Variants in MYOCOS observed in about 807,000 individuals in gnomAD.
MYOCOS encodes myocilin opposite strand protein.
In MYOCOS at chr1:171,611,718, C is replaced by A. The variant is rs1420423767; in HGVS notation, c.-251-3080C>A. Reference sequence around the variant, plus strand: ...ATGTTAGTCAGTATATGGGTTGCAGCAGTATTCCTAAGTATGGAATATGCT... The same window carrying A: ...ATGTTAGTCAGTATATGGGTTGCAGAAGTATTCCTAAGTATGGAATATGCT... On this transcript the variant is annotated intron_variant, in intron 1 of 3. Coordinates refer to the MYOCOS transcript ENST00000636697. Among the ~76,000 whole-genome samples, 4 of 152,162 alleles carry A rather than the reference C, an allele frequency of 2.6e-5. No homozygotes were observed. The East Asian group carries it at 7.7e-4, about 29-fold the overall frequency.
At chr1:171,610,717 C>T (rs1220888149) in intron 1 of MYOCOS, among the ~76,000 whole-genome samples, 1 of 152,226 alleles carries the variant, frequency 6.6e-6, no homozygotes, top group East Asian at 1.9e-4. Flanking sequence ...TTAGGGATTA[C>T]ATTTCCAATG....
intron 1 of MYOCOS, among the ~76,000 whole-genome samples, chr1:171,606,355 G>A (rs1572201534): frequency 6.6e-6 from 1 of 152,300 alleles, no homozygotes; most frequent in East Asian, 1.9e-4. Context: ...GAGGAAATGA[G>A]GGAAGAGAGA....
At chr1:171,602,308 TAAAA>T (rs1226581280) in intron 1 of MYOCOS, among the ~76,000 whole-genome samples, 10 of 152,098 alleles carry the variant, frequency 6.6e-5, no homozygotes, top group Non-Finnish European at 1.3e-4. Flanking sequence ...GAGTACTGTT[TAAAA>T]AAACAGTTTA....
intron 1 of MYOCOS, among the ~76,000 whole-genome samples, chr1:171,610,642 C>A (rs138038402): frequency 2.2e-3 from 339 of 152,318 alleles, no homozygotes; most frequent in African/African-American, 7.9e-3. Flanking sequence ...ATTTCTGCAA[C>A]AATGACATTG....
At chr1:171,610,988 A>G (rs1652342284) in intron 1 of MYOCOS, among the ~76,000 whole-genome samples, 1 of 152,184 alleles carries the variant, frequency 6.6e-6, no homozygotes, top group Non-Finnish European at 1.5e-5. Flanking sequence ...CATCCAAGCC[A>G]TTTACCATCA....
At chr1:171,605,637 A>C (rs1227437896) in intron 1 of MYOCOS, among the ~76,000 whole-genome samples, 1 of 152,168 alleles carries the variant, frequency 6.6e-6, no homozygotes, top group African/African-American at 2.4e-5. Context: ...AAATCAGGTG[A>C]ACTTCTAGGC....
chr1:171,615,742 T>C (rs948702838), intron 2 of MYOCOS, among the ~76,000 whole-genome samples: 1 of 148,478 alleles, frequency 6.7e-6, no homozygotes. Flanking sequence ...GACCTTTTCA[T>C]GTGAAATCTT....
At chr1:171,613,543 T>C (rs573902681) in intron 1 of MYOCOS, among the ~76,000 whole-genome samples, 3 of 148,034 alleles carry the variant, frequency 2.0e-5, no homozygotes, top group Non-Finnish European at 4.5e-5. Flanking sequence ...TTCTCTGTGA[T>C]GCATTTTTTT....
intron 1 of MYOCOS, among the ~76,000 whole-genome samples, chr1:171,606,445 G>A (rs1652244491): frequency 9.2e-6 from 1 of 108,366 alleles, no homozygotes; most frequent in Admixed American, 1.0e-4. Flanking sequence ...ACCAAAGACA[G>A]GCAGCCCGGC....
At position 171,626,854 on chromosome 1, in the gene MYOCOS, T is replaced by TTAAATTAATAAATACAG; in HGVS notation, c.*253_*254insTAAATTAATAAATACAG. ...TTATGCTATAGAACTGTTGCTGTAG[T>TTAAATTAATAAATACAG]CAGTTGTATTTAAATTAATAAACAG... On this transcript the variant is annotated 3_prime_UTR_variant, in exon 3 of 3. Transcript: ENST00000637642. 3.2e-6 allele frequency: 1 copy of TTAAATTAATAAATACAG among 311,634 alleles called. No individual in the cohort carries two copies. The allele number at this position is 311,634 out of a possible 1,614,324, so 19.3% of individuals were successfully genotyped here.
chr1:171,604,511 G>T (rs189014020), intron 1 of MYOCOS: 1 of 152,316 alleles, frequency 6.6e-6, no homozygotes, highest in East Asian at 1.9e-4. Flanking sequence ...CCCGATGTGT[G>T]CTATGACTCC....
At chr1:171,605,632 A>T (rs235893) in intron 1 of MYOCOS, among the ~76,000 whole-genome samples, 17 of 151,982 alleles carry the variant, frequency 1.1e-4, no homozygotes, top group African/African-American at 4.1e-4. Flanking sequence ...CCCATAAATC[A>T]GGTGAACTTC....
chr1:171,605,396 A>ACACACACACTC lies in MYOCOS; in HGVS notation c.-252+4316_-252+4317insCACACACACTC, dbSNP rs1415539776. On this transcript the variant is annotated intron_variant, in intron 1 of 3. Transcript: ENST00000636697. The stretch of plus-strand genomic sequence containing the variant: ...TACCACACACACACACACACACACA[A>ACACACACACTC]AAAAAAAAAAACAGTTACATGATAA... Among the ~76,000 whole-genome samples, 11 of 120,876 alleles carry ACACACACACTC rather than the reference A, an allele frequency of 9.1e-5. No individual in the cohort carries two copies. In the South Asian group the frequency reaches 2.9e-3, roughly 32 times the overall value. 79.3% of individuals were successfully genotyped at this position (120,876 alleles called of 152,430 possible).
chr1:171,610,169 A>G (rs890982101), intron 1 of MYOCOS, among the ~76,000 whole-genome samples: 2 of 152,226 alleles, frequency 1.3e-5, no homozygotes, highest in African/African-American at 2.4e-5. Flanking sequence ...AAGTCAGTCA[A>G]TAAGTTCACA....
intron 1 of MYOCOS, among the ~76,000 whole-genome samples, chr1:171,611,666 A>G (rs557737864): frequency 2.0e-4 from 31 of 152,204 alleles, no homozygotes; most frequent in African/African-American, 6.5e-4. Context: ...TCCTGCTCTA[A>G]TATCTGCTCA....
At chr1:171,620,891 T>A (rs1421450166), upstream of MYOCOS, among the ~76,000 whole-genome samples, 2 of 148,324 alleles carry the variant, frequency 1.3e-5, no homozygotes, top group African/African-American at 5.0e-5. Flanking sequence ...TGCCTCAGCC[T>A]CCCGAGTAGC....
chr1:171,609,974 G>C (rs1374266226), intron 1 of MYOCOS, among the ~76,000 whole-genome samples: 1 of 152,180 alleles, frequency 6.6e-6, no homozygotes, highest in African/African-American at 2.4e-5. Context: ...CACTCACATG[G>C]TTGTTAGTAG....
At chr1:171,625,323 A>T (rs1354339014) in intron 2 of MYOCOS, among the ~76,000 whole-genome samples, 2 of 152,178 alleles carry the variant, frequency 1.3e-5, no homozygotes, top group African/African-American at 2.4e-5. Context: ...AACATTAGGG[A>T]TCAGCTTTGA....
At chr1:171,612,699 G>A (rs191141106) in intron 1 of MYOCOS, among the ~76,000 whole-genome samples, 7 of 152,028 alleles carry the variant, frequency 4.6e-5, no homozygotes, top group African/African-American at 7.2e-5. Flanking sequence ...CCGTGGTGGC[G>A]CATGCCTGTA....
Sources: gnomAD v4.1 joint callset for allele counts (sites outside exome capture counted in the v4.1 genomes callset) on GRCh38, gnomAD v4.1.1 for gene constraint, MANE v1.5 for transcripts, NCBI Gene and HGNC (gene_info 2026-07-23, HGNC 2026-07-21) for gene names.